Variants in TNNI2 observed in about 807,000 individuals in gnomAD.
TNNI2 encodes the protein troponin I2, fast skeletal type.
A neutral mutation model predicts 26.5 loss-of-function variants in TNNI2; 14 were observed. The observed-to-expected ratio is 0.53, with a 90% CI of 0.35 to 0.83. The LOEUF (loss-of-function observed/expected upper bound fraction) is 0.83, where lower values mean the gene tolerates loss of function less well. Among genes scored for constraint, TNNI2 ranks in the 40% least tolerant of loss-of-function variants. The probability of loss-of-function intolerance (pLI) is 0.01; values close to 1 mark genes in which losing one functional copy is unlikely to be tolerated. For missense variants in TNNI2, 205 were observed against 248.5 expected (o/e 0.82, Z 1.18); for synonymous variants, 126 against 97.6 (o/e 1.29, Z -1.71).
chr11:1,839,671 A>G lies in TNNI2; in HGVS notation c.-22-4A>G. Reference sequence around the variant, plus strand: ...CCAACACCTCTGTCTTCCTCTCCCCACAGGCTCCAAGCTCAGGACCTCAGG... The same window carrying G: ...CCAACACCTCTGTCTTCCTCTCCCCGCAGGCTCCAAGCTCAGGACCTCAGG... On this transcript the variant is annotated splice_region_variant and splice_polypyrimidine_tract_variant and intron_variant, in intron 1 of 7. Transcript: ENST00000381911. 1 of 1,613,468 alleles carries G rather than the reference A, an allele frequency of 6.2e-7. No homozygotes were observed. The highest frequency in any genetic ancestry group is 8.5e-7 in the Non-Finnish European group (1 of 1,179,848).
In TNNI2 at chr11:1,841,586, G is replaced by A. The variant is rs1376663721; in HGVS notation, c.*35G>A. On this transcript the variant is annotated 3_prime_UTR_variant, in exon 8 of 8. Transcript: ENST00000381911. ...TGCCCCTACGCCTGCCCCGGTGCCCGGCTCCCAGCAGAACATACTAGGGAG... is the reference window on the plus strand; with the variant it reads ...TGCCCCTACGCCTGCCCCGGTGCCCAGCTCCCAGCAGAACATACTAGGGAG... The A allele has an allele frequency of 2.6e-5, 41 of 1,599,930 alleles. No homozygotes were observed. Among genetic ancestry groups the A allele is most frequent in the Non-Finnish European group, 3.3e-5 (39 of 1,167,954 alleles).
Position 1,839,832 on chromosome 11 carries a change from C to T in TNNI2, c.9-17C>T, listed in dbSNP as rs1847123485. 1 of 1,613,932 alleles carries T rather than the reference C, an allele frequency of 6.2e-7. No homozygotes were observed. Among genetic ancestry groups the T allele is most frequent in the South Asian group, 1.1e-5 (1 of 91,076 alleles). ...TCTTCTCTCCCCGTCCTGCCTGCGTCCTCCCTCCCTGGACAGTGAGGAGGT... is the reference window on the plus strand; with the variant it reads ...TCTTCTCTCCCCGTCCTGCCTGCGTTCTCCCTCCCTGGACAGTGAGGAGGT... On this transcript the variant is annotated splice_polypyrimidine_tract_variant and intron_variant, in intron 2 of 7. Transcript: ENST00000381911.
Position 1,841,050 on chromosome 11 carries a change from A to C in TNNI2, c.296A>C (p.Lys99Thr). ...CCACAGCTGGAGGACATGAACCAGA[A>C]GCTATTTGATCTGCGGGGCAAGTTC... ...TSKELEDMNQ[K>T]LFDLRGKFKR... Residue 99 changes from lysine to threonine, a missense_variant, in exon 7 of 8, where the codon AAG becomes ACG. Transcript: ENST00000381911. The C allele has an allele frequency of 1.9e-6, 3 of 1,613,050 alleles. No homozygotes were observed. Among genetic ancestry groups the C allele is most frequent in the Non-Finnish European group, 2.5e-6 (3 of 1,179,902 alleles).
At chr11:1,841,264 C>T in intron 7 of TNNI2, 57 bp downstream of exon 7, 3 of 1,591,858 alleles carry the variant, frequency 1.9e-6, no homozygotes, top group East Asian at 4.5e-5. Context: ...GCACCTCCCA[C>T]ACCTGCCCCG....
At chr11:1,840,377 T>C (rs1165579648) in intron 3 of TNNI2, 26 bp from the exon 4 acceptor site, 1 of 1,602,126 alleles carries the variant, frequency 6.2e-7, no homozygotes, top group Non-Finnish European at 8.5e-7. Flanking sequence ...AGGCCCTGAC[T>C]CGACCCCCTG....
Position 1,840,385 on chromosome 11 carries a change from CT to C in TNNI2, c.16-17del, listed in dbSNP as rs767470245. On this transcript the variant is annotated splice_polypyrimidine_tract_variant and intron_variant, in intron 3 of 7. Coordinates refer to ENST00000381911, the MANE Select transcript of TNNI2 (RefSeq NM_003282.4). ...GGCCTGGAGGCCCTGACTCGACCCC[CT>C]GTCCCCTGCCCTGCAGAAGCGGAAC... 4 of 1,605,658 alleles carry C rather than the reference CT, an allele frequency of 2.5e-6. No individual in the cohort carries two copies. In the East Asian group the frequency reaches 9.0e-5, roughly 36 times the overall value.
Position 1,841,564 on chromosome 11 carries a change from C to A in TNNI2, c.*13C>A. On this transcript the variant is annotated 3_prime_UTR_variant, in exon 8 of 8. Transcript: ENST00000381911. The stretch of plus-strand genomic sequence containing the variant: ...GTCCGAGTCCTAGGCCACTCGCTGC[C>A]CCTACGCCTGCCCCGGTGCCCGGCT... 4 of 1,612,906 alleles carry A rather than the reference C, an allele frequency of 2.5e-6. No individual in the cohort carries two copies. Among genetic ancestry groups the A allele is most frequent in the Non-Finnish European group, 3.4e-6 (4 of 1,179,034 alleles).
chr11:1,840,930 G>T (rs1331302448), intron 6 of TNNI2, 22 bp downstream of exon 6: 1 of 1,607,550 alleles, frequency 6.2e-7, no homozygotes, highest in Non-Finnish European at 8.5e-7. Flanking sequence ...CGGCGGGCCG[G>T]CGGCAGGCGG....
intron 7 of TNNI2, 111 bp downstream of exon 7, chr11:1,841,318 C>T: frequency 1.3e-6 from 2 of 1,535,870 alleles, no homozygotes; most frequent in Non-Finnish European, 1.8e-6. Context: ...GGGCCCTGTA[C>T]CACTGCCCCT....
intron 3 of TNNI2, 92 bp downstream of exon 3, chr11:1,839,947 C>T: frequency 6.4e-7 from 1 of 1,570,002 alleles, no homozygotes; most frequent in Non-Finnish European, 8.7e-7. Flanking sequence ...GCCCTAAGGC[C>T]CAGAGAAGAT....
In TNNI2 at chr11:1,840,630, A is replaced by T; in HGVS notation, c.160A>T (p.Ile54Phe). The change falls in exon 5 of 8, where the codon ATC (isoleucine) becomes TTC (phenylalanine). Residue 54 changes from isoleucine (I) to phenylalanine (F), a missense_variant. Physicochemically the swap from Ile to Phe is conservative, Grantham distance 21 (BLOSUM62 0). Transcript: ENST00000381911. ...GGCGGAGCACTGCCCGCCGCTGCAT[A>T]TCCCGGGCTCCATGTCTGAAGTGCA... is the stretch of plus-strand genomic sequence containing the variant. ...YLAEHCPPLH[I>F]PGSMSEVQEL... 6.2e-7 allele frequency: 1 copy of T among 1,612,830 alleles called. No individual in the cohort carries two copies. The highest frequency in any genetic ancestry group is 8.5e-7 in the Non-Finnish European group (1 of 1,179,918).
At chr11:1,841,434 T>A (rs536326619) in intron 7 of TNNI2, 22 bp from the exon 8 acceptor site, 2 of 1,612,834 alleles carry the variant, frequency 1.2e-6, no homozygotes, top group African/African-American at 2.7e-5. Flanking sequence ...GCCTGAGCTC[T>A]CTCCTGCCCT....
chr11:1,839,198 G>A (rs1346312641), intron 1 of TNNI2, among the ~76,000 whole-genome samples, 165 bp downstream of exon 1: 1 of 152,162 alleles, frequency 6.6e-6, no homozygotes, highest in Non-Finnish European at 1.5e-5. Context: ...CTTTGGGGAG[G>A]CAGCTGTAGC....
At chr11:1,841,372 G>A (rs934023388) in intron 7 of TNNI2, 84 bp from the exon 8 acceptor site, 11 of 1,551,616 alleles carry the variant, frequency 7.1e-6, no homozygotes, top group African/African-American at 2.7e-5. Context: ...AATGCAGAGG[G>A]TAAACTGAGG....
At chr11:1,839,462 T>A in intron 1 of TNNI2, 2 of 367,672 alleles carry the variant, frequency 5.4e-6, no homozygotes, top group Non-Finnish European at 5.4e-6. Context: ...GCCTGGGACA[T>A]TTTGGGAACA....
In TNNI2 at chr11:1,840,853, C is replaced by T. The variant is rs770837715; in HGVS notation, c.221C>T (p.Ala74Val). The T allele has an allele frequency of 1.9e-5, 30 of 1,613,148 alleles. No homozygotes were observed. Among genetic ancestry groups the T allele is most frequent in the East Asian group, 8.9e-5 (4 of 44,874 alleles). The change falls in exon 6 of 8, where the codon GCG becomes GTG. Residue 74 changes from alanine to valine, a missense_variant. Coordinates refer to ENST00000381911, the MANE Select transcript of TNNI2 (RefSeq NM_003282.4). ...AAACAGCTGCACGCCAAGATCGATG[C>T]GGCTGAAGAGGAGAAGTACGACATG... ...LCKQLHAKID[A>V]AEEEKYDMEV...
At position 1,839,830 on chromosome 11, in the gene TNNI2, G is replaced by A. The variant is rs749259984; in HGVS notation, c.9-19G>A. On this transcript the variant is annotated intron_variant, in intron 2 of 7. Transcript: ENST00000381911. ...TGTCTTCTCTCCCCGTCCTGCCTGC[G>A]TCCTCCCTCCCTGGACAGTGAGGAG... 31 of 1,613,678 alleles carry A rather than the reference G, an allele frequency of 1.9e-5. No individual in the cohort carries two copies. The South Asian group carries it at 2.0e-4, about 10-fold the overall frequency.
intron 5 of TNNI2, 81 bp downstream of exon 5, chr11:1,840,737 C>T (rs1847152439): frequency 1.2e-6 from 2 of 1,606,250 alleles, no homozygotes; most frequent in South Asian, 2.2e-5. Context: ...GTCAAGAGGG[C>T]CAGTGGGGTG....
chr11:1,839,541 G>A (rs1177063565), intron 1 of TNNI2, 134 bp from the exon 2 acceptor site: 1 of 785,456 alleles, frequency 1.3e-6, no homozygotes, highest in Non-Finnish European at 2.1e-6. Flanking sequence ...AGAGTAGGGG[G>A]AGGAGGTGAG....
Sources: allele counts gnomAD v4.1 joint callset (sites outside exome capture counted in the v4.1 genomes callset), GRCh38; gene constraint gnomAD v4.1.1; transcripts MANE v1.5; gene names NCBI Gene and HGNC (gene_info 2026-07-23, HGNC 2026-07-21).